EYS: variants seen among roughly 807,000 people sequenced by gnomAD.
EYS encodes EGF-like photoreceptor maintenance factor, also known as protein eyes shut homolog.
In EYS, 250 loss-of-function variants were observed where a neutral mutation model predicts 282.1. The observed-to-expected ratio is 0.89, with a 90% CI of 0.80 to 0.98. The LOEUF is 0.98. Ranked by LOEUF, EYS falls within the 50% of genes least tolerant of loss-of-function variation. The pLI is 0.00. For synonymous variants in EYS, 1,355 were observed against 1,282.9 expected (o/e 1.06, Z -1.20); for missense variants, 4,016 against 3,709.0 (o/e 1.08, Z -2.15).
At chr6:64,685,401 C>T (rs904315377) in intron 22 of EYS, among the ~76,000 whole-genome samples, 11 of 152,018 alleles carry the variant, frequency 7.2e-5, no homozygotes, top group Non-Finnish European at 1.6e-4. Flanking sequence ...AAATTTGATC[C>T]GTATTGTTGA....
intron 12 of EYS, among the ~76,000 whole-genome samples, chr6:65,280,632 G>A (rs984078516): frequency 3.0e-4 from 45 of 150,966 alleles, no homozygotes; most frequent in Admixed American, 7.9e-4. Flanking sequence ...TTTTTAATTC[G>A]GTCTGTGGGG....
chr6:65,099,409 A>G (rs1774831037), intron 12 of EYS, among the ~76,000 whole-genome samples: 1 of 150,794 alleles, frequency 6.6e-6, no homozygotes, highest in Non-Finnish European at 1.5e-5. Flanking sequence ...AGAAAATCAT[A>G]TTCTCTAATA....
intron 15 of EYS, among the ~76,000 whole-genome samples, chr6:64,928,776 C>T (rs1478000564): frequency 1.3e-5 from 2 of 151,664 alleles, no homozygotes; most frequent in Non-Finnish European, 2.9e-5. Context: ...TAATCTGAAC[C>T]TGGTATTATG....
chr6:64,627,061 C>T (rs139037347), intron 22 of EYS, among the ~76,000 whole-genome samples: 1 of 152,122 alleles, frequency 6.6e-6, no homozygotes, highest in African/African-American at 2.4e-5. Context: ...GCTGTTAAAC[C>T]ATGCTTCAAG....
At chr6:64,781,519 G>T (rs1245889290) in intron 22 of EYS, among the ~76,000 whole-genome samples, 1 of 148,674 alleles carries the variant, frequency 6.7e-6, no homozygotes, top group African/African-American at 2.5e-5. Flanking sequence ...GGAGTTTGCA[G>T]TGAGCCGAGA....
intron 12 of EYS, among the ~76,000 whole-genome samples, chr6:65,267,561 A>G (rs139917020): frequency 8.0e-4 from 122 of 152,062 alleles, no homozygotes; most frequent in African/African-American, 2.8e-3. Flanking sequence ...ACATATGTTT[A>G]TATGTTCTTT....
At chr6:65,422,976 T>C (rs1215649419) in intron 5 of EYS, among the ~76,000 whole-genome samples, 1 of 151,796 alleles carries the variant, frequency 6.6e-6, no homozygotes, top group Non-Finnish European at 1.5e-5. Flanking sequence ...AACATATATA[T>C]AATTTTGATA....
At chr6:64,188,040 T>C (rs948263828) in intron 31 of EYS, among the ~76,000 whole-genome samples, 4 of 152,246 alleles carry the variant, frequency 2.6e-5, no homozygotes, top group South Asian at 2.1e-4. Flanking sequence ...AAAGAGAATT[T>C]TGAAAAAGTG....
intron 22 of EYS, among the ~76,000 whole-genome samples, chr6:64,766,283 T>G (rs1367000209): frequency 6.6e-6 from 1 of 151,852 alleles, no homozygotes; most frequent in Non-Finnish European, 1.5e-5. Flanking sequence ...CCTTTCCTTT[T>G]TTCTTTCTCT....
chr6:64,774,050 A>T (rs2149988323), intron 22 of EYS, among the ~76,000 whole-genome samples: 1 of 151,982 alleles, frequency 6.6e-6, no homozygotes, highest in African/African-American at 2.4e-5. Context: ...AGACTGGAGC[A>T]TTTTTGTTTA....
intron 12 of EYS, among the ~76,000 whole-genome samples, chr6:65,224,900 TAA>T (rs1766580505): frequency 6.6e-6 from 1 of 152,060 alleles, no homozygotes; most frequent in Non-Finnish European, 1.5e-5. Flanking sequence ...TTACCATAGG[TAA>T]AGTGATTGAA....
At chr6:64,230,972 T>C (rs1468507823) in intron 30 of EYS, 148 bp from the exon 31 acceptor site, 4 of 511,922 alleles carry the variant, frequency 7.8e-6, no homozygotes, top group Non-Finnish European at 1.4e-5. Context: ...ATTATCATGT[T>C]TGTTTCACAA....
At chr6:64,195,550 C>T (rs768745070) in intron 31 of EYS, among the ~76,000 whole-genome samples, 6 of 152,156 alleles carry the variant, frequency 3.9e-5, no homozygotes, top group South Asian at 2.1e-4. Context: ...ATCCGCCCCT[C>T]GACCTCCCAA....
At chr6:65,353,661 A>G (rs753331701) in intron 8 of EYS, 44 bp from the exon 9 acceptor site, 14 of 1,510,512 alleles carry the variant, frequency 9.3e-6, no homozygotes, top group Admixed American at 1.7e-5. Flanking sequence ...CTTTTTTGAT[A>G]TATTTTTCAA....
chr6:64,815,652 A>G (rs1764724974), intron 21 of EYS, among the ~76,000 whole-genome samples: 1 of 152,080 alleles, frequency 6.6e-6, no homozygotes, highest in South Asian at 2.1e-4. Flanking sequence ...ATTTAATATA[A>G]TAAAGTGCTT....
rs568954302 is a variant in EYS, at chr6:64,022,339, A to ACT, written c.6726-23158_6726-23157dup. Among the ~76,000 whole-genome samples, 307 of 152,264 alleles carry ACT rather than the reference A, an allele frequency of 2.0e-3. 1 individual carries two copies. Among genetic ancestry groups the ACT allele is most frequent in the Admixed American group, 3.7e-3 (57 of 15,290 alleles). On this transcript the variant is annotated intron_variant, in intron 33 of 42. Transcript: ENST00000503581. ...ATTTTCTGTCTAAAATGTTCTCAGC[A>ACT]CTCAGGTATCCAGAATCTATTCATG...
At chr6:64,142,232 G>A (rs1253668733) in intron 31 of EYS, among the ~76,000 whole-genome samples, 1 of 152,000 alleles carries the variant, frequency 6.6e-6, no homozygotes, top group Non-Finnish European at 1.5e-5. Flanking sequence ...AATAATTAAA[G>A]AAATTAAATT....
chr6:65,514,046 T>G (rs1297344992), intron 2 of EYS, among the ~76,000 whole-genome samples: 1 of 151,944 alleles, frequency 6.6e-6, no homozygotes, highest in Non-Finnish European at 1.5e-5. Flanking sequence ...AAAACCCCAT[T>G]GTCTCAGCCC....
rs565626811 is a variant in EYS at position 64,994,040 on chromosome 6, CTAAAA to C, written c.2259+3537_2259+3541del. On this transcript the variant is annotated intron_variant, in intron 14 of 42. Transcript: ENST00000503581. The stretch of plus-strand genomic sequence containing the variant: ...ATGTAAGATAAAGAGGAAAACGAAA[CTAAAA>C]TGAGAGGGGAAATACTAGATTAATT... Among the ~76,000 whole-genome samples the C allele has an allele frequency of 3.5e-3, 529 of 151,480 alleles. 2 individuals carry two copies. The highest frequency in any genetic ancestry group is 0.012 in the African/African-American group (485 of 41,340).
Sources: allele counts gnomAD v4.1 joint callset (sites outside exome capture counted in the v4.1 genomes callset), GRCh38; gene constraint gnomAD v4.1.1; transcripts MANE v1.5; gene names NCBI Gene and HGNC (gene_info 2026-07-23, HGNC 2026-07-21).